The following SRGAP3 variants were observed in gnomAD, a reference collection of about 807,000 sequenced individuals.
SRGAP3 encodes SLIT-ROBO Rho GTPase-activating protein 3.
Under a neutral mutation model 121.1 loss-of-function variants are expected in SRGAP3, and 39 were observed. The observed-to-expected ratio is 0.32, with a 90% CI of 0.25 to 0.42. The LOEUF is 0.42. SRGAP3 is among the 10% of genes least tolerant of loss of function. SRGAP3 has a pLI of 1.00. For synonymous variants in SRGAP3, 601 were observed against 570.0 expected (o/e 1.05, Z -0.77); for missense variants, 1,213 against 1,470.6 (o/e 0.82, Z 2.86).
chr3:9,134,607 C>A (rs1458821649), intron 1 of SRGAP3, among the ~76,000 whole-genome samples: 2 of 151,880 alleles, frequency 1.3e-5, no homozygotes, highest in Non-Finnish European at 2.9e-5. Flanking sequence ...GGGCTGAAAC[C>A]GAGAGTAAAG....
intron 1 of SRGAP3, among the ~76,000 whole-genome samples, chr3:9,362,326 G>T (rs1213300561): frequency 6.6e-6 from 1 of 151,066 alleles, no homozygotes; most frequent in Non-Finnish European, 1.5e-5. Context: ...ACCACATCCA[G>T]CTAACTTTTG....
chr3:9,276,904 T>C (rs988813791), intron 3 of SRGAP3, among the ~76,000 whole-genome samples: 2 of 152,228 alleles, frequency 1.3e-5, no homozygotes. Context: ...ATCTGAGCAC[T>C]TACCCTGCGC....
chr3:9,156,766 G>C lies in SRGAP3; in HGVS notation c.68-31849C>G, dbSNP rs575862871. 2.6e-5 allele frequency among the ~76,000 whole-genome samples: 4 copies of C among 152,332 alleles called. No homozygotes were observed. The South Asian group carries it at 8.3e-4, about 32-fold the overall frequency. On this transcript the variant is annotated intron_variant, in intron 1 of 21. Transcript: ENST00000383836. ...AAGAACTGCACTGGCAGGGAAGCAA[G>C]ATCTAGTAACGTATTTCCCAAGGGA...
chr3:9,110,964 G>A (rs1948602937), intron 2 of SRGAP3, among the ~76,000 whole-genome samples: 1 of 152,236 alleles, frequency 6.6e-6, no homozygotes, highest in Non-Finnish European at 1.5e-5. Context: ...TGGACTCCGG[G>A]CAGGCCACCT....
At chr3:9,267,022 T>C (rs1170225957) in intron 3 of SRGAP3, among the ~76,000 whole-genome samples, 1 of 152,204 alleles carries the variant, frequency 6.6e-6, no homozygotes, top group African/African-American at 2.4e-5. Context: ...GGACCCAATC[T>C]CTTTTAGGAA....
At chr3:9,339,934 G>A (rs140127596) in intron 1 of SRGAP3, among the ~76,000 whole-genome samples, 1 of 152,288 alleles carries the variant, frequency 6.6e-6, no homozygotes, top group Non-Finnish European at 1.5e-5. Flanking sequence ...GGAACCTGGA[G>A]TGACAGGATC....
chr3:9,013,364 G>A lies in SRGAP3; in HGVS notation c.2091C>T (p.Pro697=). The change falls in exon 17 of 22, where the codon CCC becomes CCT. Residue 697 remains proline, a synonymous_variant. Coordinates refer to ENST00000383836, the MANE Select transcript of SRGAP3 (RefSeq NM_014850.4). ...IIHHEAIFPS[P]RELEGPVYEK... is the part of the protein sequence containing the mutation. ...CATACACAGGTCCCTCTAGCTCCCGGGGGCTGGGGAAGATGGCTTCATGAT... is the reference window on the plus strand; with the variant it reads ...CATACACAGGTCCCTCTAGCTCCCGAGGGCTGGGGAAGATGGCTTCATGAT... 6.2e-7 allele frequency: 1 copy of A among 1,614,132 alleles called. No homozygotes were observed. Among genetic ancestry groups the A allele is most frequent in the Non-Finnish European group, 8.5e-7 (1 of 1,180,030 alleles).
chr3:9,116,590 A>T (rs1226904525), intron 2 of SRGAP3, among the ~76,000 whole-genome samples: 1 of 152,216 alleles, frequency 6.6e-6, no homozygotes, highest in Non-Finnish European at 1.5e-5. Context: ...CCAAGAAGGC[A>T]AGCCCTAAGC....
At chr3:9,241,552 C>G (rs755106588) in intron 1 of SRGAP3, among the ~76,000 whole-genome samples, 5 of 152,186 alleles carry the variant, frequency 3.3e-5, no homozygotes, top group African/African-American at 1.2e-4. Flanking sequence ...GCAAGGAAAT[C>G]GAGCAAACCA....
intron 1 of SRGAP3, among the ~76,000 whole-genome samples, chr3:9,180,660 C>T (rs775939413): frequency 1.1e-4 from 17 of 152,242 alleles, no homozygotes; most frequent in Non-Finnish European, 1.6e-4. Context: ...CTAAGTCCTA[C>T]GTGTTCTTCA....
At chr3:9,104,657 C>A in intron 3 of SRGAP3, 23 bp downstream of exon 3, 2 of 1,613,718 alleles carry the variant, frequency 1.2e-6, no homozygotes, top group Non-Finnish European at 1.7e-6. Context: ...ACCTGGGACA[C>A]GTAGAGCAGC....
intron 21 of SRGAP3, among the ~76,000 whole-genome samples, chr3:8,988,648 G>A (rs1166332800): frequency 1.3e-5 from 2 of 152,182 alleles, no homozygotes; most frequent in East Asian, 1.9e-4. Context: ...CTTTCTTGGA[G>A]ATTCACAGTG....
At chr3:9,176,666 T>C (rs913810553) in intron 1 of SRGAP3, among the ~76,000 whole-genome samples, 2 of 152,124 alleles carry the variant, frequency 1.3e-5, no homozygotes, top group Non-Finnish European at 2.9e-5. Context: ...AGGCTTCCAA[T>C]CATGGTGGAA....
chr3:9,345,261 C>T (rs983223546), intron 1 of SRGAP3, among the ~76,000 whole-genome samples: 1 of 152,062 alleles, frequency 6.6e-6, no homozygotes, highest in African/African-American at 2.4e-5. Flanking sequence ...GAGGCCCAGG[C>T]AGGAAAATTG....
At chr3:9,340,870 T>G (rs1397616448) in intron 1 of SRGAP3, among the ~76,000 whole-genome samples, 1 of 152,122 alleles carries the variant, frequency 6.6e-6, no homozygotes, top group African/African-American at 2.4e-5. Context: ...TCACCGTGAA[T>G]GAAGGAGTCT....
intron 4 of SRGAP3, among the ~76,000 whole-genome samples, chr3:9,071,490 C>T (rs1007337327): frequency 2.0e-5 from 3 of 152,154 alleles, no homozygotes; most frequent in African/African-American, 7.2e-5. Flanking sequence ...GGAGTGTTTT[C>T]TTTCCACTGG....
At position 9,147,252 on chromosome 3, in the gene SRGAP3, T is replaced by A. The variant is rs373775047; in HGVS notation, c.68-22335A>T. Reference sequence around the variant, plus strand: ...AGTCAGAGCCTGCCAGGCCCCCACCTTGATTTCTTCTACTGTAGAGGACAA... The same window carrying A: ...AGTCAGAGCCTGCCAGGCCCCCACCATGATTTCTTCTACTGTAGAGGACAA... On this transcript the variant is annotated intron_variant, in intron 1 of 21. Transcript: ENST00000383836. Among the ~76,000 whole-genome samples, 89 of 152,282 alleles carry A rather than the reference T, an allele frequency of 5.8e-4. No individual in the cohort carries two copies. The South Asian group carries it at 0.011, about 19-fold the overall frequency.
chr3:8,994,545 A>G, intron 18 of SRGAP3, 22 bp from the exon 19 acceptor site: 2 of 1,610,876 alleles, frequency 1.2e-6, no homozygotes, highest in Non-Finnish European at 1.7e-6. Context: ...TCAAGGGAAA[A>G]AGCGTCTCTG....
At chr3:9,043,504 G>T (rs1945117134) in intron 10 of SRGAP3, among the ~76,000 whole-genome samples, 1 of 152,064 alleles carries the variant, frequency 6.6e-6, no homozygotes, top group Non-Finnish European at 1.5e-5. Flanking sequence ...GATGTGGAGT[G>T]GAATGTCAGA....
Sources: gnomAD v4.1 joint callset for allele counts (sites outside exome capture counted in the v4.1 genomes callset) on GRCh38, gnomAD v4.1.1 for gene constraint, MANE v1.5 for transcripts, NCBI Gene and HGNC (gene_info 2026-07-23, HGNC 2026-07-21) for gene names.